The following AOAH variants were observed in gnomAD, a reference collection of about 807,000 sequenced individuals.
AOAH encodes the protein acyloxyacyl hydrolase (neutrophil).
In AOAH, 64 loss-of-function variants were observed where a neutral mutation model predicts 92.2. That is an observed-to-expected ratio of 0.69 (90% CI 0.57 to 0.86). AOAH has a LOEUF of 0.86. Among genes scored for constraint, AOAH ranks in the 40% least tolerant of loss-of-function variants. The pLI is 0.00. For synonymous variants in AOAH, 263 were observed against 254.5 expected (o/e 1.03, Z -0.32); for missense variants, 656 against 694.6 (o/e 0.94, Z 0.62).
chr7:36,650,478 C>T (rs1268917903), intron 4 of AOAH, among the ~76,000 whole-genome samples: 1 of 152,138 alleles, frequency 6.6e-6, no homozygotes, highest in African/African-American at 2.4e-5. Context: ...ACAGTGCTTT[C>T]AGACTTGTCA....
chr7:36,715,372 T>C (rs1466324501), intron 1 of AOAH, among the ~76,000 whole-genome samples: 2 of 152,158 alleles, frequency 1.3e-5, no homozygotes, highest in African/African-American at 4.8e-5. Flanking sequence ...GTAGGAAGAA[T>C]CAGTATCATG....
At chr7:36,671,299 A>G (rs1331385710) in intron 3 of AOAH, among the ~76,000 whole-genome samples, 1 of 152,172 alleles carries the variant, frequency 6.6e-6, no homozygotes, top group African/African-American at 2.4e-5. Flanking sequence ...GCCTGGAGAT[A>G]CAAAGCTCTC....
intron 13 of AOAH, among the ~76,000 whole-genome samples, chr7:36,554,610 C>T (rs1214130346): frequency 6.6e-6 from 1 of 152,160 alleles, no homozygotes; most frequent in Non-Finnish European, 1.5e-5. Flanking sequence ...TTCTTCCTAC[C>T]CATGAGCATG....
chr7:36,544,119 C>A (rs1583778595), intron 15 of AOAH, among the ~76,000 whole-genome samples: 1 of 151,522 alleles, frequency 6.6e-6, no homozygotes, highest in Non-Finnish European at 1.5e-5. Context: ...GCTAATTTTT[C>A]TATTTTTGGT....
At chr7:36,609,181 C>G (rs1310636218) in intron 11 of AOAH, among the ~76,000 whole-genome samples, 1 of 152,138 alleles carries the variant, frequency 6.6e-6, no homozygotes, top group East Asian at 1.9e-4. Context: ...ACTCTTGATT[C>G]CAGACTTCTG....
At chr7:36,715,561 C>T (rs1220660843) in intron 1 of AOAH, among the ~76,000 whole-genome samples, 1 of 151,298 alleles carries the variant, frequency 6.6e-6, no homozygotes, top group Non-Finnish European at 1.5e-5. Context: ...ATCACGCTGC[C>T]TGACTTCAAA....
chr7:36,675,235 A>T (rs1796175903), intron 2 of AOAH, among the ~76,000 whole-genome samples: 2 of 152,346 alleles, frequency 1.3e-5, no homozygotes, highest in Middle Eastern at 3.4e-3. Flanking sequence ...CAGCCTGGGC[A>T]ACAAGAGTGA....
intron 15 of AOAH, among the ~76,000 whole-genome samples, chr7:36,541,984 TC>T (rs762924408): frequency 6.6e-6 from 1 of 152,220 alleles, no homozygotes; most frequent in Non-Finnish European, 1.5e-5. Context: ...TACTTAAAAT[TC>T]CAGTTTCCCT....
intron 11 of AOAH, chr7:36,597,817 T>C (rs145767095): frequency 3.6e-4 from 55 of 152,328 alleles, no homozygotes; most frequent in African/African-American, 1.3e-3. Context: ...AATTCTGAAG[T>C]GTGCCAGCAA....
intron 1 of AOAH, among the ~76,000 whole-genome samples, chr7:36,711,519 C>G (rs535166102): frequency 9.7e-4 from 148 of 152,116 alleles, no homozygotes; most frequent in Non-Finnish European, 1.9e-3. Flanking sequence ...TCAGAGCAAT[C>G]CAGGAAAGAG....
intron 19 of AOAH, among the ~76,000 whole-genome samples, chr7:36,526,309 T>C (rs74719800): frequency 0.011 from 1,662 of 152,354 alleles, 25 homozygotes; most frequent in African/African-American, 0.037. Flanking sequence ...ATATGGGTCA[T>C]CACATACATG....
chr7:36,640,902 T>C (rs1295123266), intron 4 of AOAH, among the ~76,000 whole-genome samples: 1 of 152,126 alleles, frequency 6.6e-6, no homozygotes, highest in East Asian at 1.9e-4. Flanking sequence ...CTCATGGCCT[T>C]GAGTAGGTGG....
intron 11 of AOAH, among the ~76,000 whole-genome samples, chr7:36,606,232 G>A (rs1023368895): frequency 5.9e-5 from 9 of 152,170 alleles, no homozygotes; most frequent in Admixed American, 2.6e-4. Flanking sequence ...GTGAGTGAGC[G>A]TAGGGTGACA....
Position 36,711,138 on chromosome 7 carries a change from A to G in AOAH, c.127+12884T>C, listed in dbSNP as rs955281116. Among the ~76,000 whole-genome samples, 62 of 152,318 alleles carry G rather than the reference A, an allele frequency of 4.1e-4. 1 individual carries two copies. The highest frequency in any genetic ancestry group is 3.1e-4 in the Non-Finnish European group (21 of 68,034). ...AATTCAGAAAATTACTGAGAAGGAA[A>G]TATAAATCACTAGTAATGTCTTCAT... On this transcript the variant is annotated intron_variant, in intron 1 of 20. Coordinates refer to ENST00000617537, the MANE Select transcript of AOAH (RefSeq NM_001637.4).
chr7:36,708,937 C>T (rs1798594605), intron 1 of AOAH, among the ~76,000 whole-genome samples: 1 of 152,124 alleles, frequency 6.6e-6, no homozygotes, highest in Non-Finnish European at 1.5e-5. Context: ...GATCGATCCA[C>T]GTGTGAGCTA....
chr7:36,594,478 C>T, intron 11 of AOAH, 48 bp from the exon 12 acceptor site: 1 of 1,501,764 alleles, frequency 6.7e-7, no homozygotes, highest in Non-Finnish European at 9.3e-7. Context: ...CATTTATTTT[C>T]TAAAGGTAGT....
intron 6 of AOAH, among the ~76,000 whole-genome samples, chr7:36,628,953 AT>A: frequency 6.6e-6 from 1 of 152,356 alleles, no homozygotes; most frequent in East Asian, 1.9e-4. Flanking sequence ...CCATTACCGG[AT>A]CTGTGACCTT....
intron 13 of AOAH, among the ~76,000 whole-genome samples, chr7:36,551,008 G>A (rs1206800998): frequency 1.3e-5 from 2 of 151,534 alleles, no homozygotes; most frequent in African/African-American, 4.8e-5. Context: ...TTCAGGAAAT[G>A]TTAGCACATT....
At chr7:36,634,362 T>C (rs992729358) in intron 5 of AOAH, among the ~76,000 whole-genome samples, 2 of 152,180 alleles carry the variant, frequency 1.3e-5, no homozygotes, top group Admixed American at 6.5e-5. Context: ...AGACATTATA[T>C]AGAAAAACAC....
Sources: allele counts gnomAD v4.1 joint callset (sites outside exome capture counted in the v4.1 genomes callset), GRCh38; gene constraint gnomAD v4.1.1; transcripts MANE v1.5; gene names NCBI Gene and HGNC (gene_info 2026-07-23, HGNC 2026-07-21).